ZFHX3: variants seen among roughly 807,000 people sequenced by gnomAD.
The protein encoded by ZFHX3 is zinc finger homeobox protein 3.
Under a neutral mutation model 279.1 loss-of-function variants are expected in ZFHX3, and 42 were observed. The observed-to-expected ratio is 0.15, with a 90% CI of 0.12 to 0.19. The LOEUF (loss-of-function observed/expected upper bound fraction) is 0.19, where lower values mean the gene tolerates loss of function less well. ZFHX3 is among the 10% of genes least tolerant of loss of function. The pLI, the probability that ZFHX3 is intolerant of heterozygous loss-of-function variation, is 1.00. For synonymous variants in ZFHX3, 2,293 were observed against 1,957.8 expected (o/e 1.17, Z -4.52); for missense variants, 4,981 against 4,754.0 (o/e 1.05, Z -1.40).
At chr16:73,301,587 C>T (rs1283960377) in intron 4 of ZFHX3, among the ~76,000 whole-genome samples, 2 of 152,114 alleles carry the variant, frequency 1.3e-5, no homozygotes, top group Admixed American at 1.3e-4. Context: ...AAATTAGCCC[C>T]AGTTGAGAAC....
intron 6 of ZFHX3, among the ~76,000 whole-genome samples, chr16:73,132,839 G>T (rs1429080637): frequency 6.6e-6 from 1 of 152,202 alleles, no homozygotes; most frequent in Non-Finnish European, 1.5e-5. Context: ...CAATCAGGAG[G>T]AGAGGGAAGA....
intron 9 of ZFHX3, chr16:72,789,819 TTGAA>T (rs2035619503): frequency 6.6e-6 from 1 of 152,188 alleles, no homozygotes; most frequent in African/African-American, 2.4e-5. Flanking sequence ...CTGCCCCTGT[TTGAA>T]TGATACACAG....
At chr16:73,537,230 T>C (rs968312172) in intron 2 of ZFHX3, among the ~76,000 whole-genome samples, 1 of 151,744 alleles carries the variant, frequency 6.6e-6, no homozygotes, top group Non-Finnish European at 1.5e-5. Context: ...CCAATACCAC[T>C]TTCAGCCCTA....
intron 1 of ZFHX3, among the ~76,000 whole-genome samples, chr16:73,025,881 G>A (rs951866864): frequency 3.9e-5 from 6 of 152,110 alleles, no homozygotes; most frequent in African/African-American, 1.2e-4. Context: ...TGTTCTCTCC[G>A]GGAAGATGCA....
intron 4 of ZFHX3, among the ~76,000 whole-genome samples, chr16:73,314,172 G>A (rs2143174506): frequency 6.6e-6 from 1 of 152,276 alleles, no homozygotes; most frequent in East Asian, 1.9e-4. Context: ...CTAATCAGTG[G>A]AAGGCCTGAA....
chr16:73,855,216 CTTT>C (rs1032892286), intron 1 of ZFHX3, among the ~76,000 whole-genome samples: 3 of 111,486 alleles, frequency 2.7e-5, no homozygotes, highest in Admixed American at 1.0e-4. Flanking sequence ...AGGCGTTAGC[CTTT>C]TTTTTTTTTT....
Position 72,797,230 on chromosome 16 carries a change from TCACTGGC to T in ZFHX3, c.5445_5451del (p.Thr1818GlyfsTer3). ...CCAGTCAGTGTCAGTGCCCCACTGG[TCACTGGC>T]AAGCTCACCTCGGGGTTAAGCTGGA... On this transcript the variant is annotated frameshift_variant, in exon 9 of 10. Transcript: ENST00000268489. LOFTEE classifies it high-confidence loss of function. 6.2e-7 allele frequency: 1 copy of T among 1,613,958 alleles called. No individual in the cohort carries two copies.
chr16:73,116,277 G>A (rs1415346459), intron 7 of ZFHX3, among the ~76,000 whole-genome samples: 11 of 152,182 alleles, frequency 7.2e-5, no homozygotes, highest in Non-Finnish European at 2.9e-5. Flanking sequence ...GGGTGGCGGG[G>A]GAGTGTCCCT....
At chr16:72,844,140 G>T (rs1370136111) in intron 4 of ZFHX3, among the ~76,000 whole-genome samples, 1 of 152,062 alleles carries the variant, frequency 6.6e-6, no homozygotes, top group South Asian at 2.1e-4. Context: ...TCTGGATCAG[G>T]GTGAGGTCCA....
At chr16:73,179,832 G>A (rs1173823283) in intron 5 of ZFHX3, among the ~76,000 whole-genome samples, 1 of 152,258 alleles carries the variant, frequency 6.6e-6, no homozygotes. Flanking sequence ...GCCGTGACTG[G>A]TTAGAGCATT....
chr16:73,312,559 G>C (rs1244970780), intron 4 of ZFHX3, among the ~76,000 whole-genome samples: 1 of 152,188 alleles, frequency 6.6e-6, no homozygotes, highest in Admixed American at 6.5e-5. Flanking sequence ...TACATTCCTG[G>C]TGCCTATTGC....
At chr16:72,968,423 G>A (rs560272592) in intron 1 of ZFHX3, among the ~76,000 whole-genome samples, 40 of 150,626 alleles carry the variant, frequency 2.7e-4, no homozygotes, top group Non-Finnish European at 5.0e-4. Context: ...ATAAGGTTTT[G>A]TAGATGGGCT....
chr16:73,483,761 A>C (rs1239785793), intron 2 of ZFHX3, among the ~76,000 whole-genome samples: 2 of 152,110 alleles, frequency 1.3e-5, no homozygotes. Context: ...GAGGGTAACC[A>C]AATTAGCCTT....
intron 8 of ZFHX3, among the ~76,000 whole-genome samples, chr16:73,091,703 A>T (rs1309484563): frequency 6.6e-6 from 1 of 152,230 alleles, no homozygotes; most frequent in Non-Finnish European, 1.5e-5. Flanking sequence ...GAGTTTGTCG[A>T]GCTGAGTCTT....
chr16:72,964,005 T>C (rs996689940), intron 1 of ZFHX3, among the ~76,000 whole-genome samples: 6 of 152,208 alleles, frequency 3.9e-5, no homozygotes, highest in Admixed American at 2.0e-4. Context: ...TGAGAAACTG[T>C]TGCCTCCAAG....
intron 2 of ZFHX3, among the ~76,000 whole-genome samples, chr16:73,505,534 A>G (rs2019311883): frequency 6.6e-6 from 1 of 151,632 alleles, no homozygotes; most frequent in Non-Finnish European, 1.5e-5. Flanking sequence ...TTAGGCGATG[A>G]CTAAAGCTGA....
intron 3 of ZFHX3, among the ~76,000 whole-genome samples, chr16:73,342,684 T>C (rs1469016363): frequency 1.3e-5 from 2 of 152,024 alleles, no homozygotes; most frequent in Admixed American, 6.6e-5. Flanking sequence ...ATGGAAGAGA[T>C]TGGTTTCCTG....
At chr16:73,308,395 C>T (rs2015243931) in intron 4 of ZFHX3, among the ~76,000 whole-genome samples, 1 of 151,462 alleles carries the variant, frequency 6.6e-6, no homozygotes, top group African/African-American at 2.4e-5. Flanking sequence ...ATGCCACCTC[C>T]GCCTCCTGCC....
chr16:73,657,271 A>G (rs56371996), intron 2 of ZFHX3, among the ~76,000 whole-genome samples: 32,955 of 151,270 alleles, frequency 0.22, 3,671 homozygotes, highest in South Asian at 0.24. Flanking sequence ...AGCCTGCCCA[A>G]CACGGCAAAA....
Sources: gnomAD v4.1 joint callset for allele counts (sites outside exome capture counted in the v4.1 genomes callset) on GRCh38, gnomAD v4.1.1 for gene constraint, MANE v1.5 for transcripts, NCBI Gene and HGNC (gene_info 2026-07-23, HGNC 2026-07-21) for gene names.